FHIT: variants seen among roughly 807,000 people sequenced by gnomAD.
FHIT encodes the protein fragile histidine triad diadenosine triphosphatase, also known as bis(5'-adenosyl)-triphosphatase.
A neutral mutation model predicts 17.9 loss-of-function variants in FHIT; 19 were observed. The ratio of observed to expected loss-of-function variants is 1.06; its 90% CI spans 0.74 to 1.56. The LOEUF (loss-of-function observed/expected upper bound fraction) is 1.56. FHIT is among the 40% of genes most tolerant of loss of function. FHIT has a pLI of 0.00. For synonymous variants in FHIT, 81 were observed against 69.7 expected, an observed-to-expected ratio of 1.16 and a Z score of -0.81; for missense variants, 248 against 189.2, an observed-to-expected ratio of 1.31 and a Z score of -1.82.
chr3:60,814,400 T>C (rs1701667721), intron 4 of FHIT, among the ~76,000 whole-genome samples: 1 of 152,122 alleles, frequency 6.6e-6, no homozygotes, highest in African/African-American at 2.4e-5. Flanking sequence ...ATTGTTACCA[T>C]CTTCACGTCC....
At chr3:60,441,804 A>ATAAAAATATATATATATATT in intron 5 of FHIT, among the ~76,000 whole-genome samples, 2 of 101,456 alleles carry the variant, frequency 2.0e-5, no homozygotes, top group Non-Finnish European at 3.8e-5. Context: ...ATATATATAT[A>ATAAAAATATATATATATATT]TATATATATA....
intron 5 of FHIT, among the ~76,000 whole-genome samples, chr3:60,275,599 G>A (rs1010409919): frequency 6.6e-6 from 1 of 152,114 alleles, no homozygotes; most frequent in Non-Finnish European, 1.5e-5. Flanking sequence ...AGAAACCTGA[G>A]TTCACAGATG....
chr3:60,600,932 G>A (rs1553668577), intron 4 of FHIT, among the ~76,000 whole-genome samples: 1 of 152,058 alleles, frequency 6.6e-6, no homozygotes, highest in Non-Finnish European at 1.5e-5. Flanking sequence ...ATGCTTTTTT[G>A]GAGGCAGAGC....
At chr3:59,895,965 A>G (rs1704050891) in intron 8 of FHIT, among the ~76,000 whole-genome samples, 1 of 152,164 alleles carries the variant, frequency 6.6e-6, no homozygotes, top group Non-Finnish European at 1.5e-5. Flanking sequence ...CTCTTCATCT[A>G]GATCCTTACA....
chr3:59,951,615 C>T (rs1419777623), intron 7 of FHIT, among the ~76,000 whole-genome samples: 1 of 152,084 alleles, frequency 6.6e-6, no homozygotes, highest in African/African-American at 2.4e-5. Context: ...AGGCCTTGTG[C>T]CCCCCACCCC....
intron 5 of FHIT, among the ~76,000 whole-genome samples, chr3:60,533,377 T>C (rs569277599): frequency 1.3e-5 from 2 of 152,276 alleles, no homozygotes; most frequent in Admixed American, 1.3e-4. Context: ...CACAGTACAT[T>C]TGGATGCTAA....
intron 1 of FHIT, among the ~76,000 whole-genome samples, chr3:61,241,973 G>A (rs1007208909): frequency 2.0e-5 from 3 of 152,130 alleles, no homozygotes; most frequent in African/African-American, 7.2e-5. Flanking sequence ...GAACAGACCA[G>A]AAAAGTAAGG....
In FHIT at chr3:60,541,237, G is replaced by T. The variant is rs142776885; in HGVS notation, c.-17-4258C>A. ...TATACCAAGTCCATCTGTTTTTCAT[G>T]ACTTTATTCCTTGGGATCATATAAA... On this transcript the variant is annotated intron_variant, in intron 4 of 9. Coordinates refer to ENST00000492590, the MANE Select transcript of FHIT (RefSeq NM_002012.4). 2.0e-5 allele frequency among the ~76,000 whole-genome samples: 3 copies of T among 152,300 alleles called. No homozygotes were observed. The East Asian group carries it at 5.8e-4, about 29-fold the overall frequency.
chr3:60,185,637 G>A (rs2107453591), intron 5 of FHIT, among the ~76,000 whole-genome samples: 1 of 152,272 alleles, frequency 6.6e-6, no homozygotes, highest in East Asian at 1.9e-4. Flanking sequence ...TAAATACCTA[G>A]GTATATGACT....
intron 4 of FHIT, among the ~76,000 whole-genome samples, chr3:60,564,727 T>G (rs1286330054): frequency 1.3e-5 from 2 of 152,122 alleles, no homozygotes; most frequent in Non-Finnish European, 1.5e-5. Flanking sequence ...CTTGAACAGA[T>G]GAGAAATTGC....
intron 5 of FHIT, among the ~76,000 whole-genome samples, chr3:60,038,082 T>C (rs1701294237): frequency 6.6e-6 from 1 of 152,162 alleles, no homozygotes; most frequent in Non-Finnish European, 1.5e-5. Flanking sequence ...AATTTCAGAG[T>C]AATGACTTTT....
chr3:60,442,207 G>A (rs908454242), intron 5 of FHIT, among the ~76,000 whole-genome samples: 1 of 151,894 alleles, frequency 6.6e-6, no homozygotes, highest in Non-Finnish European at 1.5e-5. Context: ...AAAGAGATGT[G>A]ATTTCATTAT....
chr3:60,879,044 A>G (rs533276810), intron 3 of FHIT, among the ~76,000 whole-genome samples: 1 of 152,328 alleles, frequency 6.6e-6, no homozygotes, highest in East Asian at 1.9e-4. Context: ...TTCTAACTCT[A>G]GATCCCTGAG....
intron 3 of FHIT, among the ~76,000 whole-genome samples, chr3:60,945,360 G>T (rs1708592294): frequency 6.6e-6 from 1 of 152,160 alleles, no homozygotes; most frequent in Non-Finnish European, 1.5e-5. Flanking sequence ...CAAAAAGCCT[G>T]AATTTAATTC....
chr3:61,238,962 TGAAGGAAATGA>T (rs1485822409), intron 1 of FHIT, among the ~76,000 whole-genome samples: 2 of 151,800 alleles, frequency 1.3e-5, no homozygotes, highest in East Asian at 1.9e-4. Context: ...CAGAACCTAG[TGAAGGAAATGA>T]GAAGGAATTG....
chr3:59,805,572 A>AT (rs777222929), intron 8 of FHIT, among the ~76,000 whole-genome samples: 6 of 152,174 alleles, frequency 3.9e-5, no homozygotes, highest in Non-Finnish European at 5.9e-5. Context: ...GTTTATTGCC[A>AT]TTAGACTACA....
At chr3:60,993,866 C>G (rs376178923) in intron 3 of FHIT, among the ~76,000 whole-genome samples, 1 of 152,130 alleles carries the variant, frequency 6.6e-6, no homozygotes, top group Non-Finnish European at 1.5e-5. Context: ...CTATCTTACT[C>G]TCCCTTTGTA....
intron 4 of FHIT, among the ~76,000 whole-genome samples, chr3:60,620,931 T>A (rs2107752267): frequency 6.6e-6 from 1 of 152,238 alleles, no homozygotes; most frequent in African/African-American, 2.4e-5. Flanking sequence ...CGTTGCTCAA[T>A]TTTTCTGTAA....
intron 4 of FHIT, among the ~76,000 whole-genome samples, chr3:60,653,090 T>A (rs1553688740): frequency 2.0e-5 from 3 of 152,126 alleles, no homozygotes; most frequent in Non-Finnish European, 4.4e-5. Context: ...TGCCTCATTC[T>A]TTCACACACA....
Sources: gnomAD v4.1 joint callset for allele counts (sites outside exome capture counted in the v4.1 genomes callset) on GRCh38, gnomAD v4.1.1 for gene constraint, MANE v1.5 for transcripts, NCBI Gene and HGNC (gene_info 2026-07-23, HGNC 2026-07-21) for gene names.